The following AFF3 variants were observed in gnomAD, a reference collection of about 807,000 sequenced individuals.
The protein encoded by AFF3 is ALF transcription elongation factor 3.
A neutral mutation model predicts 129.7 loss-of-function variants in AFF3; 32 were observed. That is an observed-to-expected ratio of 0.25 (90% CI 0.19 to 0.33). The LOEUF (loss-of-function observed/expected upper bound fraction) is 0.33. Ranked by LOEUF, AFF3 falls within the 10% of genes least tolerant of loss-of-function variation. AFF3 has a pLI of 1.00. For missense variants in AFF3, 1,373 were observed against 1,592.0 expected, an observed-to-expected ratio of 0.86 and a Z score of 2.34; for synonymous variants, 644 against 635.4, an observed-to-expected ratio of 1.01 and a Z score of -0.20.
chr2:100,053,936 T>C (rs1002014516), intron 4 of AFF3, among the ~76,000 whole-genome samples: 2 of 152,210 alleles, frequency 1.3e-5, no homozygotes, highest in Non-Finnish European at 2.9e-5. Context: ...ACCTCCTCTG[T>C]ATCTAGGCAA....
intron 12 of AFF3, among the ~76,000 whole-genome samples, chr2:99,669,552 C>A (rs1220268754): frequency 6.6e-6 from 1 of 152,204 alleles, no homozygotes; most frequent in Non-Finnish European, 1.5e-5. Context: ...AGTGGTTATT[C>A]TTCTGCAGAG....
intron 7 of AFF3, among the ~76,000 whole-genome samples, chr2:99,874,170 C>T (rs191895327): frequency 6.6e-6 from 1 of 152,086 alleles, no homozygotes; most frequent in African/African-American, 2.4e-5. Flanking sequence ...GAGCTAGACT[C>T]CGTCTCAAAA....
Position 100,118,961 on chromosome 2 carries a change from C to T in AFF3, c.-145+10263G>A, listed in dbSNP as rs542379767. 2.6e-3 allele frequency among the ~76,000 whole-genome samples: 398 copies of T among 152,142 alleles called. 3 individuals are homozygous for T. The highest frequency in any genetic ancestry group is 0.016 in the South Asian group (75 of 4,810). ...GATTACAGGCGTGCGCCACCACACC[C>T]AGCTAATTTTTGTATTTTTAGCAGA... On this transcript the variant is annotated intron_variant, in intron 2 of 24. Transcript: ENST00000672756.
In AFF3 at chr2:99,593,909, G is replaced by A. The variant is rs1258984634; in HGVS notation, c.1752C>T (p.Gly584=). ...TCTCGGTGCGCCTGGTGGGCTTCTT[G>A]CCCGCGGACCTCCGGGCAGGCGCGG... ...NAPAPARRSA[G]KKPTRRTERT... is the part of the protein sequence containing the mutation. Residue 584 remains glycine, a synonymous_variant, in exon 15 of 25, where the codon GGC becomes GGT. Transcript: ENST00000672756. 6 of 1,442,264 alleles carry A rather than the reference G, an allele frequency of 4.2e-6. No homozygotes were observed. In the Middle Eastern group the frequency reaches 8.7e-4, roughly 208 times the overall value. 89.3% of individuals were successfully genotyped at this position (1,442,264 alleles called of 1,614,324 possible). A position where few individuals can be genotyped will look rare whatever the true frequency, so the allele number is the denominator to read the frequency against.
chr2:99,592,416 C>T (rs903916431), intron 15 of AFF3, among the ~76,000 whole-genome samples: 17 of 152,218 alleles, frequency 1.1e-4, no homozygotes, highest in African/African-American at 4.1e-4. Context: ...CTGCCGTATT[C>T]ATTTTCACCT....
chr2:99,717,569 A>G (rs1049918256), intron 11 of AFF3, among the ~76,000 whole-genome samples: 1 of 152,200 alleles, frequency 6.6e-6, no homozygotes, highest in Admixed American at 6.5e-5. Context: ...TAAGAAATTT[A>G]TAATTTTGTC....
intron 1 of AFF3, among the ~76,000 whole-genome samples, chr2:100,137,799 CAGA>C (rs1692696099): frequency 6.6e-6 from 1 of 152,154 alleles, no homozygotes; most frequent in Non-Finnish European, 1.5e-5. Flanking sequence ...TTGTGGGACT[CAGA>C]AGATGTCCAT....
chr2:99,696,467 A>G (rs997011612), intron 11 of AFF3, among the ~76,000 whole-genome samples: 3 of 152,178 alleles, frequency 2.0e-5, no homozygotes, highest in African/African-American at 4.8e-5. Context: ...CATCCTACAC[A>G]GTTATATCTG....
intron 7 of AFF3, among the ~76,000 whole-genome samples, chr2:99,865,042 A>G (rs1178551482): frequency 6.6e-6 from 1 of 152,230 alleles, no homozygotes; most frequent in African/African-American, 2.4e-5. Context: ...AACAGAGCCA[A>G]TCTGACAACA....
At chr2:99,774,169 T>C (rs1031931571) in intron 8 of AFF3, among the ~76,000 whole-genome samples, 1 of 152,176 alleles carries the variant, frequency 6.6e-6, no homozygotes, top group Non-Finnish European at 1.5e-5. Flanking sequence ...CCCAAAGCAA[T>C]TTATAGATTC....
chr2:99,940,439 C>G (rs1325016116), intron 7 of AFF3, among the ~76,000 whole-genome samples: 1 of 152,158 alleles, frequency 6.6e-6, no homozygotes, highest in Non-Finnish European at 1.5e-5. Context: ...GCACAAGATA[C>G]AGGTCACGAA....
At chr2:99,732,008 G>C (rs891613366) in intron 10 of AFF3, among the ~76,000 whole-genome samples, 1 of 152,158 alleles carries the variant, frequency 6.6e-6, no homozygotes, top group Admixed American at 6.5e-5. Flanking sequence ...GAACATCATC[G>C]AAAGTGCCTT....
rs138528173 is a variant in AFF3 at position 100,071,415 on chromosome 2, A to G, written c.53+32987T>C. The stretch of plus-strand genomic sequence containing the variant: ...GCATATAAAACATGAATTGTGAAAT[A>G]TACAGTAGACCATCTGTGAGTAAGA... On this transcript the variant is annotated intron_variant, in intron 4 of 24. Coordinates refer to ENST00000672756, the MANE Select transcript of AFF3 (RefSeq NM_001386135.1). 3.9e-5 allele frequency among the ~76,000 whole-genome samples: 6 copies of G among 152,342 alleles called. No individual in the cohort carries two copies. In the East Asian group the frequency reaches 1.2e-3, roughly 29 times the overall value.
intron 7 of AFF3, among the ~76,000 whole-genome samples, chr2:99,864,088 T>C (rs1214956174): frequency 6.6e-6 from 1 of 152,236 alleles, no homozygotes; most frequent in Non-Finnish European, 1.5e-5. Context: ...TCTGATTAGA[T>C]GAGCTGCTTA....
At chr2:100,051,207 G>A (rs555827162) in intron 4 of AFF3, among the ~76,000 whole-genome samples, 169 of 152,178 alleles carry the variant, frequency 1.1e-3, no homozygotes, top group Non-Finnish European at 2.0e-3. Context: ...GTTTAAATGC[G>A]CACCCACTCC....
chr2:99,598,819 GAC>G (rs1463015810), intron 14 of AFF3, among the ~76,000 whole-genome samples: 1 of 152,238 alleles, frequency 6.6e-6, no homozygotes, highest in African/African-American at 2.4e-5. Flanking sequence ...AGCTGTGGAG[GAC>G]ACACAGGGTG....
chr2:99,834,358 A>G (rs949480244), intron 8 of AFF3, among the ~76,000 whole-genome samples: 15 of 152,288 alleles, frequency 9.8e-5, no homozygotes, highest in African/African-American at 3.6e-4. Context: ...TGCCTACCTC[A>G]TGAAGCAGCT....
intron 10 of AFF3, among the ~76,000 whole-genome samples, chr2:99,730,010 A>G (rs889860475): frequency 7.9e-5 from 12 of 152,216 alleles, no homozygotes; most frequent in African/African-American, 2.9e-4. Flanking sequence ...ATATATATGC[A>G]TATATGTAAA....
At chr2:100,130,354 A>T in intron 1 of AFF3, among the ~76,000 whole-genome samples, 1 of 151,916 alleles carries the variant, frequency 6.6e-6, no homozygotes, top group Non-Finnish European at 1.5e-5. Flanking sequence ...CAGACCAGAT[A>T]CTCACCTCAT....
Sources: allele counts gnomAD v4.1 joint callset (sites outside exome capture counted in the v4.1 genomes callset), GRCh38; gene constraint gnomAD v4.1.1; transcripts MANE v1.5; gene names NCBI Gene and HGNC (gene_info 2026-07-23, HGNC 2026-07-21).